Variants in RIMS2 observed in about 807,000 individuals in gnomAD.
RIMS2 encodes regulating synaptic membrane exocytosis 2, also known as regulating synaptic membrane exocytosis protein 2.
Under a neutral mutation model 174.4 loss-of-function variants are expected in RIMS2, and 59 were observed. The observed-to-expected ratio is 0.34, with a 90% confidence interval of 0.27 to 0.42. The LOEUF (loss-of-function observed/expected upper bound fraction) is 0.42, where lower values mean the gene tolerates loss of function less well. Ranked by LOEUF, RIMS2 falls within the 10% of genes least tolerant of loss-of-function variation. The pLI is 1.00. For missense variants in RIMS2, 1,620 were observed against 1,666.3 expected, an observed-to-expected ratio of 0.97 and a Z score of 0.48; for synonymous variants, 606 against 572.5, an observed-to-expected ratio of 1.06 and a Z score of -0.84.
chr8:103,998,395 C>T, intron 17 of RIMS2: 1 of 482,826 alleles, frequency 2.1e-6, no homozygotes, highest in Non-Finnish European at 3.6e-6. Context: ...CATAAAATAA[C>T]ATGAAATAAA....
At chr8:104,036,655 G>A (rs773891141) in intron 19 of RIMS2, among the ~76,000 whole-genome samples, 4 of 151,774 alleles carry the variant, frequency 2.6e-5, no homozygotes, top group Non-Finnish European at 5.9e-5. Context: ...GAGGTGGGCA[G>A]ATCATGAGGT....
chr8:104,095,845 T>C (rs1337812843), intron 19 of RIMS2, among the ~76,000 whole-genome samples: 1 of 152,124 alleles, frequency 6.6e-6, no homozygotes, highest in African/African-American at 2.4e-5. Flanking sequence ...GTGAGACAGA[T>C]ATTCGGGATA....
Position 104,215,261 on chromosome 8 carries a change from C to T in RIMS2, c.3335-29655C>T, listed in dbSNP as rs560745847. ...GAACAAAGTGGTAATCAAAAGAAGT[C>T]TTTATTGCCATAAATGTTGTAATGA... On this transcript the variant is annotated intron_variant, in intron 19 of 23. Coordinates refer to ENST00000504942, the Ensembl canonical transcript of RIMS2. Among the ~76,000 whole-genome samples, 172 of 152,218 alleles carry T rather than the reference C, an allele frequency of 1.1e-3. 1 individual carries two copies. The highest frequency in any genetic ancestry group is 3.8e-3 in the African/African-American group (159 of 41,546).
chr8:103,716,497 CTTACA>C (rs1424178187), intron 2 of RIMS2, among the ~76,000 whole-genome samples, 177 bp downstream of exon 5: 1 of 151,940 alleles, frequency 6.6e-6, no homozygotes, highest in Non-Finnish European at 1.5e-5. Context: ...TACTGAAAAA[CTTACA>C]TTAAATTATT....
intron 19 of RIMS2, among the ~76,000 whole-genome samples, chr8:104,117,119 C>T (rs764741563): frequency 6.6e-5 from 10 of 151,952 alleles, no homozygotes; most frequent in Non-Finnish European, 8.8e-5. Context: ...GAAACTGAGG[C>T]AGGAGGATCA....
intron 10 of RIMS2, among the ~76,000 whole-genome samples, chr8:103,924,022 T>C (rs1306971854): frequency 6.6e-6 from 1 of 151,714 alleles, no homozygotes; most frequent in African/African-American, 2.4e-5. Flanking sequence ...CCTAAATCAC[T>C]ATTATAGGTT....
chr8:104,166,826 G>A lies in RIMS2; in HGVS notation c.3335-78090G>A, dbSNP rs559826700. 9.9e-5 allele frequency among the ~76,000 whole-genome samples: 15 copies of A among 151,846 alleles called. No homozygotes were observed. The South Asian group carries it at 3.1e-3, about 32-fold the overall frequency. On this transcript the variant is annotated intron_variant, in intron 19 of 23. Coordinates refer to ENST00000504942, the Ensembl canonical transcript of RIMS2. ...CCAAAGTCCATTATATCATTCTTAT[G>A]CCTTTGCATCCTCATAGCTTAGCTC...
intron 3 of RIMS2, among the ~76,000 whole-genome samples, chr8:103,825,694 T>A (rs1278696605): frequency 6.6e-6 from 1 of 152,148 alleles, no homozygotes; most frequent in Non-Finnish European, 1.5e-5. Context: ...TACCATACTT[T>A]CACGTAAGTC....
intron 2 of RIMS2, among the ~76,000 whole-genome samples, chr8:103,711,867 G>C (rs551112072): frequency 6.6e-6 from 1 of 151,542 alleles, no homozygotes; most frequent in Non-Finnish European, 1.5e-5. Context: ...CTGCACTCCA[G>C]CCTAAGCAAC....
rs955621991 is a variant in RIMS2, at chr8:103,934,181, C to T, written c.2376-2370C>T. On this transcript the variant is annotated intron_variant, in intron 12 of 23. Transcript: ENST00000504942. ...TTAATGGAAACCAAAGTCCTAGTAA[C>T]GTGAAAATAAATTTTTAAAAAAGGA... 3.3e-5 allele frequency among the ~76,000 whole-genome samples: 5 copies of T among 151,626 alleles called. No homozygotes were observed. The South Asian group carries it at 6.2e-4, about 19-fold the overall frequency.
chr8:103,926,073 G>A (rs985211739), intron 10 of RIMS2, among the ~76,000 whole-genome samples: 2 of 151,388 alleles, frequency 1.3e-5, no homozygotes, highest in African/African-American at 2.4e-5. Context: ...TTAGAACATG[G>A]AAAAATGTTT....
intron 19 of RIMS2, among the ~76,000 whole-genome samples, chr8:104,084,083 T>G (rs961088508): frequency 2.0e-5 from 3 of 152,092 alleles, no homozygotes; most frequent in Admixed American, 2.0e-4. Flanking sequence ...TAATGTGTTA[T>G]GGTGATAGAT....
At chr8:103,780,614 A>C (rs1193269674) in intron 3 of RIMS2, among the ~76,000 whole-genome samples, 2 of 152,074 alleles carry the variant, frequency 1.3e-5, no homozygotes, top group African/African-American at 4.8e-5. Context: ...TATTGTTGCT[A>C]AATTTCTCAG....
In RIMS2 at chr8:103,950,522, GA is replaced by G. The variant is rs1417106310; in HGVS notation, c.2701+7603del. Among the ~76,000 whole-genome samples, 3 of 151,756 alleles carry G rather than the reference GA, an allele frequency of 2.0e-5. No individual in the cohort carries two copies. The South Asian group carries it at 6.2e-4, about 31-fold the overall frequency. On this transcript the variant is annotated intron_variant, in intron 14 of 23. Transcript: ENST00000504942. ...TGACTCACCATATTAAACTAAAAAA[GA>G]AAAAAATTATATCATAATCTCAAGA...
At chr8:104,055,643 G>C (rs1411702800) in intron 19 of RIMS2, among the ~76,000 whole-genome samples, 1 of 152,070 alleles carries the variant, frequency 6.6e-6, no homozygotes, top group Non-Finnish European at 1.5e-5. Context: ...CAGGAATTGT[G>C]ACTAACAAAT....
intron 14 of RIMS2, among the ~76,000 whole-genome samples, chr8:103,956,026 G>T (rs893143135): frequency 2.0e-5 from 3 of 151,956 alleles, no homozygotes; most frequent in Admixed American, 6.6e-5. Context: ...AAAAAGATAC[G>T]TAGGAATCCA....
chr8:104,137,897 T>C (rs1369732806), intron 19 of RIMS2, among the ~76,000 whole-genome samples: 3 of 152,188 alleles, frequency 2.0e-5, no homozygotes, highest in Non-Finnish European at 4.4e-5. Context: ...TCTAATCATA[T>C]TTTTGTGCCC....
At chr8:103,515,611 A>AT (rs1189359368) in intron 1 of RIMS2, among the ~76,000 whole-genome samples, 1 of 152,144 alleles carries the variant, frequency 6.6e-6, no homozygotes, top group African/African-American at 2.4e-5. Context: ...TAGATTTTTC[A>AT]TTTTGATAAC....
chr8:104,102,418 C>G (rs529137044), intron 19 of RIMS2, among the ~76,000 whole-genome samples: 1 of 152,314 alleles, frequency 6.6e-6, no homozygotes, highest in South Asian at 2.1e-4. Flanking sequence ...TTAATTGCCT[C>G]TGAAATATGT....
Sources: allele counts gnomAD v4.1 joint callset (sites outside exome capture counted in the v4.1 genomes callset), GRCh38; gene constraint gnomAD v4.1.1; transcripts MANE v1.5; gene names NCBI Gene and HGNC (gene_info 2026-07-23, HGNC 2026-07-21).